The following PPP1R13B variants were observed in gnomAD, a reference collection of about 807,000 sequenced individuals.
PPP1R13B encodes the protein apoptosis-stimulating of p53 protein 1.
In PPP1R13B, 44 loss-of-function variants were observed where a neutral mutation model predicts 119.8. The ratio of observed to expected loss-of-function variants is 0.37; its 90% CI spans 0.29 to 0.47. The LOEUF (loss-of-function observed/expected upper bound fraction) is 0.47, where lower values mean the gene tolerates loss of function less well. PPP1R13B is among the 20% of genes least tolerant of loss of function. PPP1R13B has a pLI of 0.99. For missense variants in PPP1R13B, 1,227 were observed against 1,413.5 expected (o/e 0.87, Z 2.12); for synonymous variants, 542 against 561.5 (o/e 0.97, Z 0.49).
intron 4 of PPP1R13B, among the ~76,000 whole-genome samples, chr14:103,774,611 C>T (rs2085141558): frequency 6.6e-6 from 1 of 152,178 alleles, no homozygotes; most frequent in Non-Finnish European, 1.5e-5. Flanking sequence ...ACATCAATCA[C>T]ACCAACTCAG....
At chr14:103,737,365 GACC>G in intron 15 of PPP1R13B, 1 of 196,510 alleles carries the variant, frequency 5.1e-6, no homozygotes, top group South Asian at 1.0e-4. Context: ...AGAAGTTCGA[GACC>G]ACCCTGGGCA....
At chr14:103,806,919 A>C (rs1174043044) in intron 1 of PPP1R13B, among the ~76,000 whole-genome samples, 3 of 152,192 alleles carry the variant, frequency 2.0e-5, no homozygotes, top group African/African-American at 7.2e-5. Flanking sequence ...GAGCAAACTC[A>C]TTCATCTGTT....
At chr14:103,817,080 C>G (rs1426912468) in intron 1 of PPP1R13B, among the ~76,000 whole-genome samples, 1 of 152,086 alleles carries the variant, frequency 6.6e-6, no homozygotes, top group Non-Finnish European at 1.5e-5. Context: ...GAAAATTAAG[C>G]AAAAGCGAAG....
chr14:103,836,641 G>A (rs560562087), intron 1 of PPP1R13B, among the ~76,000 whole-genome samples: 9 of 151,956 alleles, frequency 5.9e-5, no homozygotes, highest in South Asian at 4.2e-4. Flanking sequence ...GTGGTGGCAC[G>A]CACCTGTAAT....
Position 103,736,026 on chromosome 14 carries a change from A to G in PPP1R13B, c.3208T>C (p.Tyr1070His), listed in dbSNP as rs1223448916. 2.5e-6 allele frequency: 4 copies of G among 1,614,052 alleles called. No individual in the cohort carries two copies. The highest frequency in any genetic ancestry group is 2.5e-6 in the Non-Finnish European group (3 of 1,180,026). Reference sequence around the variant, plus strand: ...ACCCCCAGCAGGTTTTTGGGCACATAGCCCTCCCGGTCTCCAAGGCGAGCC... The same window carrying G: ...ACCCCCAGCAGGTTTTTGGGCACATGGCCCTCCCGGTCTCCAAGGCGAGCC... The part of the protein sequence containing the change: ...WWARLGDREG[Y>H]VPKNLLGLYP... The change falls in exon 16 of 17, where the codon TAT becomes CAT. Residue 1070 changes from tyrosine to histidine, a missense_variant. Tyr to His is a moderately conservative substitution (Grantham distance 83). Transcript: ENST00000202556.
At chr14:103,837,180 C>T (rs959681837) in intron 1 of PPP1R13B, among the ~76,000 whole-genome samples, 5 of 152,196 alleles carry the variant, frequency 3.3e-5, no homozygotes, top group African/African-American at 1.2e-4. Flanking sequence ...CAGGGTGACG[C>T]TCATCAGGCA....
intron 1 of PPP1R13B, among the ~76,000 whole-genome samples, chr14:103,821,569 T>G (rs999343704): frequency 2.0e-5 from 3 of 152,080 alleles, no homozygotes; most frequent in Non-Finnish European, 4.4e-5. Context: ...CTAACCAACA[T>G]GGAGTAACCC....
At chr14:103,790,964 C>A (rs962283208) in intron 2 of PPP1R13B, among the ~76,000 whole-genome samples, 1 of 152,116 alleles carries the variant, frequency 6.6e-6, no homozygotes, top group Admixed American at 6.5e-5. Context: ...GATGTCAAGA[C>A]AAGAGATAAA....
In PPP1R13B at chr14:103,801,627, T is replaced by C. The variant is rs1391360649; in HGVS notation, c.10-4109A>G. Reference sequence around the variant, plus strand: ...CAGTGGCTCTTCACACAGATCTCTATTGCATCACCTCAATGACTCCCTCCC... The same window carrying C: ...CAGTGGCTCTTCACACAGATCTCTACTGCATCACCTCAATGACTCCCTCCC... On this transcript the variant is annotated intron_variant, in intron 1 of 16. Transcript: ENST00000202556. Among the ~76,000 whole-genome samples the C allele has an allele frequency of 2.6e-5, 4 of 152,158 alleles. No homozygotes were observed. The East Asian group carries it at 5.8e-4, about 22-fold the overall frequency.
chr14:103,782,940 G>T lies in PPP1R13B; in HGVS notation c.277+1855C>A, dbSNP rs372601366. Among the ~76,000 whole-genome samples the T allele has an allele frequency of 5.1e-4, 78 of 152,090 alleles. 1 individual carries two copies. The East Asian group carries it at 0.013, about 26-fold the overall frequency. On this transcript the variant is annotated intron_variant, in intron 3 of 16. Transcript: ENST00000202556. ...CTGTCTCGGCCCCCCGAGTAGCTGG[G>T]ATTACAGATGCATGCCACCAAGCCT...
intron 1 of PPP1R13B, among the ~76,000 whole-genome samples, chr14:103,828,980 T>C (rs2086610411): frequency 1.3e-5 from 2 of 152,224 alleles, no homozygotes; most frequent in African/African-American, 4.8e-5. Flanking sequence ...CTTTTGCTAC[T>C]CTTTTCTACT....
chr14:103,745,848 T>C (rs2084373173), intron 9 of PPP1R13B, among the ~76,000 whole-genome samples: 1 of 152,212 alleles, frequency 6.6e-6, no homozygotes, highest in African/African-American at 2.4e-5. Flanking sequence ...TTCACTCTTG[T>C]TGCCCAGGCT....
chr14:103,841,425 T>C (rs1024344787), intron 1 of PPP1R13B, among the ~76,000 whole-genome samples: 1 of 151,544 alleles, frequency 6.6e-6, no homozygotes, highest in Non-Finnish European at 1.5e-5. Context: ...CCATCTCTAC[T>C]AAAAATACAA....
chr14:103,827,651 T>C (rs1336721519), intron 1 of PPP1R13B, among the ~76,000 whole-genome samples: 1 of 148,696 alleles, frequency 6.7e-6, no homozygotes, highest in Non-Finnish European at 1.5e-5. Context: ...AAAGTATATA[T>C]AATACTATAG....
rs34596421 is a variant in PPP1R13B at position 103,842,301 on chromosome 14, C to CTTTT, written c.9+4994_9+4997dup. ...CCAAACACCACCACCAGAGTGCCTTCTTTTTTTTTTTTTTTTTTTGAGATG... is the reference window on the plus strand; with the variant it reads ...CCAAACACCACCACCAGAGTGCCTTCTTTTTTTTTTTTTTTTTTTTTTTGAGATG... On this transcript the variant is annotated intron_variant, in intron 1 of 16. Transcript: ENST00000202556. Among the ~76,000 whole-genome samples the CTTTT allele has an allele frequency of 1.1e-4, 13 of 117,972 alleles. 1 individual carries two copies. The highest frequency in any genetic ancestry group is 3.7e-4 in the Admixed American group (4 of 10,724). The allele number at this position is 117,972 out of a possible 152,430, so 77.4% of individuals were successfully genotyped here. A position where few individuals can be genotyped will look rare whatever the true frequency, so the allele number is the denominator to read the frequency against.
chr14:103,777,228 G>A (rs536186430), intron 4 of PPP1R13B, among the ~76,000 whole-genome samples: 2 of 152,166 alleles, frequency 1.3e-5, no homozygotes, highest in African/African-American at 2.4e-5. Flanking sequence ...CCTGACCTCA[G>A]GTGATCCACC....
intron 4 of PPP1R13B, chr14:103,762,873 G>T: frequency 9.7e-7 from 1 of 1,032,654 alleles, no homozygotes; most frequent in Non-Finnish European, 1.5e-6. Flanking sequence ...TCAAAAGAAG[G>T]ACAAGACACA....
chr14:103,771,660 T>A (rs1364044274), intron 4 of PPP1R13B, among the ~76,000 whole-genome samples: 1 of 151,930 alleles, frequency 6.6e-6, no homozygotes, highest in Non-Finnish European at 1.5e-5. Context: ...TTTGTATTTT[T>A]AGTAGAGATG....
intron 2 of PPP1R13B, among the ~76,000 whole-genome samples, chr14:103,790,580 C>T (rs930693983): frequency 6.6e-6 from 1 of 152,128 alleles, no homozygotes; most frequent in African/African-American, 2.4e-5. Flanking sequence ...AGTTTGAGGT[C>T]AGCCTGGGCA....
Sources: allele counts gnomAD v4.1 joint callset (sites outside exome capture counted in the v4.1 genomes callset), GRCh38; gene constraint gnomAD v4.1.1; transcripts MANE v1.5; gene names NCBI Gene and HGNC (gene_info 2026-07-23, HGNC 2026-07-21).